Variants in RGS6 observed in about 807,000 individuals in gnomAD.
RGS6 encodes the protein regulator of G protein signaling 6.
In RGS6, 30 loss-of-function variants were observed where a neutral mutation model predicts 78.5. The ratio of observed to expected loss-of-function variants is 0.38; its 90% CI spans 0.29 to 0.52. RGS6 has a LOEUF of 0.52. Among genes scored for constraint, RGS6 ranks in the 20% least tolerant of loss-of-function variants. The pLI is 0.85. For missense variants in RGS6, 495 were observed against 609.7 expected, an observed-to-expected ratio of 0.81 and a Z score of 1.98; for synonymous variants, 206 against 206.0, an observed-to-expected ratio of 1.00 and a Z score of 0.00.
At chr14:71,911,991 TC>T in the RGS6 span, among the ~76,000 whole-genome samples, 6 of 152,132 alleles carry the variant, frequency 3.9e-5, no homozygotes, top group Non-Finnish European at 8.8e-5. Flanking sequence ...AGACTTAACA[TC>T]TAAACGCATT....
intron 2 of RGS6, among the ~76,000 whole-genome samples, chr14:72,342,981 C>T (rs950803346): frequency 3.9e-5 from 6 of 152,150 alleles, no homozygotes; most frequent in Non-Finnish European, 7.3e-5. Context: ...TGGGGAAATC[C>T]ACCCCCTGCT....
chr14:71,929,293 C>A (rs144025204), upstream of RGS6, among the ~76,000 whole-genome samples: 859 of 152,320 alleles, frequency 5.6e-3, 6 homozygotes, highest in South Asian at 0.023. Flanking sequence ...TCTTTAGCAT[C>A]CTTCAATCTG....
At chr14:72,047,892 ATTTTTGTT>A (rs1596572036) in intron 2 of RGS6, among the ~76,000 whole-genome samples, 2 of 83,444 alleles carry the variant, frequency 2.4e-5, no homozygotes, top group African/African-American at 1.1e-4. Flanking sequence ...TGCCCAGCTA[ATTTTTGTT>A]TTTTTTTTTT....
intron 2 of RGS6, among the ~76,000 whole-genome samples, chr14:72,263,992 C>A (rs757180866): frequency 6.6e-6 from 1 of 152,174 alleles, no homozygotes; most frequent in Admixed American, 6.5e-5. Context: ...TTTACTGACA[C>A]CCTTAGCAGA....
At chr14:72,285,298 A>G (rs1439943116) in intron 2 of RGS6, among the ~76,000 whole-genome samples, 3 of 152,176 alleles carry the variant, frequency 2.0e-5, no homozygotes, top group Non-Finnish European at 2.9e-5. Flanking sequence ...TAGCTCCCGT[A>G]GTTCCCACAT....
intron 3 of RGS6, among the ~76,000 whole-genome samples, chr14:72,426,433 A>G (rs1273269495): frequency 6.6e-6 from 1 of 152,172 alleles, no homozygotes; most frequent in Non-Finnish European, 1.5e-5. Context: ...GGTGTAGAGC[A>G]AACTATTTTA....
At chr14:72,531,431 C>CAAAAAAAAAAA (rs58751762) in intron 15 of RGS6, among the ~76,000 whole-genome samples, 1 of 66,728 alleles carries the variant, frequency 1.5e-5, no homozygotes, top group Non-Finnish European at 3.3e-5. Flanking sequence ...GACTTTATCT[C>CAAAAAAAAAAA]AAAAAAAAAA....
At chr14:71,930,740 TG>T (rs1008212987), upstream of RGS6, among the ~76,000 whole-genome samples, 1 of 151,488 alleles carries the variant, frequency 6.6e-6, no homozygotes, top group Non-Finnish European at 1.5e-5. Flanking sequence ...CCCAGCACTT[TG>T]GGTGGCCAAG....
intron 2 of RGS6, among the ~76,000 whole-genome samples, chr14:72,298,319 A>G (rs2065273789): frequency 6.6e-6 from 1 of 151,700 alleles, no homozygotes; most frequent in Non-Finnish European, 1.5e-5. Context: ...GTTAAACTTC[A>G]CTTGGCCGTG....
the RGS6 span, among the ~76,000 whole-genome samples, chr14:72,596,494 G>A: frequency 6.6e-6 from 1 of 152,104 alleles, no homozygotes; most frequent in Non-Finnish European, 1.5e-5. Context: ...CATTTTTGAG[G>A]GGCCATGACT....
chr14:72,011,224 A>G (rs887275671), intron 2 of RGS6, among the ~76,000 whole-genome samples: 1 of 152,086 alleles, frequency 6.6e-6, no homozygotes, highest in Non-Finnish European at 1.5e-5. Context: ...TCTTCTTTCC[A>G]TCTAATTTTT....
chr14:72,551,674 T>C (rs2097508758), intron 17 of RGS6, among the ~76,000 whole-genome samples: 1 of 152,190 alleles, frequency 6.6e-6, no homozygotes, highest in South Asian at 2.1e-4. Flanking sequence ...TATGTGACCC[T>C]GGGCAAGTCA....
intron 2 of RGS6, among the ~76,000 whole-genome samples, chr14:72,262,806 A>G (rs1161174886): frequency 6.6e-6 from 1 of 152,200 alleles, no homozygotes; most frequent in East Asian, 1.9e-4. Flanking sequence ...CAGATGGCCA[A>G]GGGTCAGATA....
At chr14:72,127,671 G>C (rs904408471) in intron 2 of RGS6, among the ~76,000 whole-genome samples, 1 of 152,100 alleles carries the variant, frequency 6.6e-6, no homozygotes, top group South Asian at 2.1e-4. Flanking sequence ...AAATAACACA[G>C]AGTTCTAGCG....
chr14:72,477,796 C>CA (rs10656616), intron 11 of RGS6, among the ~76,000 whole-genome samples: 19,107 of 101,582 alleles, frequency 0.19, 1,389 homozygotes, highest in African/African-American at 0.21. Context: ...GACTCTGTCT[C>CA]AAAAAAAAAA....
chr14:71,992,674 A>C (rs2095016273), intron 2 of RGS6, among the ~76,000 whole-genome samples: 1 of 152,202 alleles, frequency 6.6e-6, no homozygotes, highest in Non-Finnish European at 1.5e-5. Flanking sequence ...GTTAGTAATT[A>C]TTTGCTTGGA....
intron 3 of RGS6, among the ~76,000 whole-genome samples, chr14:72,376,826 G>A (rs1254049825): frequency 6.6e-6 from 1 of 152,096 alleles, no homozygotes. Flanking sequence ...TACAAGAAAC[G>A]CTTAAGAGAG....
At chr14:72,215,740 G>A (rs2153778940) in intron 2 of RGS6, among the ~76,000 whole-genome samples, 1 of 152,346 alleles carries the variant, frequency 6.6e-6, no homozygotes, top group East Asian at 1.9e-4. Context: ...AACAGGCTAA[G>A]ACCTAATGCT....
chr14:72,052,978 T>C (rs1016906598), intron 2 of RGS6, among the ~76,000 whole-genome samples: 15 of 45,954 alleles, frequency 3.3e-4, no homozygotes, highest in African/African-American at 2.3e-3. Context: ...TCTTTCTTTC[T>C]TTCTTTCTCT....
Sources: allele counts gnomAD v4.1 joint callset (sites outside exome capture counted in the v4.1 genomes callset), GRCh38; gene constraint gnomAD v4.1.1; transcripts MANE v1.5; gene names NCBI Gene and HGNC (gene_info 2026-07-23, HGNC 2026-07-21).